NRXN3: variants seen among roughly 807,000 people sequenced by gnomAD.
The protein encoded by NRXN3 is neurexin III.
A neutral mutation model predicts 137.6 loss-of-function variants in NRXN3; 32 were observed. The ratio of observed to expected loss-of-function variants is 0.23; its 90% CI spans 0.18 to 0.31. NRXN3 has a LOEUF of 0.31. Ranked by LOEUF, NRXN3 falls within the 10% of genes least tolerant of loss-of-function variation. NRXN3 has a pLI of 1.00. For missense variants in NRXN3, 1,574 were observed against 2,062.5 expected, an observed-to-expected ratio of 0.76 and a Z score of 4.59; for synonymous variants, 798 against 784.5, an observed-to-expected ratio of 1.02 and a Z score of -0.29.
At chr14:79,773,721 A>G (rs987001673) in intron 19 of NRXN3, among the ~76,000 whole-genome samples, 16 of 151,860 alleles carry the variant, frequency 1.1e-4, no homozygotes, top group Non-Finnish European at 2.1e-4. Flanking sequence ...TGGCACATGT[A>G]TACATACGTA....
intron 4 of NRXN3, among the ~76,000 whole-genome samples, chr14:78,384,604 A>G (rs564185479): frequency 2.4e-4 from 37 of 152,274 alleles, no homozygotes; most frequent in African/African-American, 8.9e-4. Flanking sequence ...ATGTAGACCC[A>G]CTATAACTGG....
intron 8 of NRXN3, among the ~76,000 whole-genome samples, chr14:78,778,683 TTTCTTTCTTTCTTTCTTTC>T (rs1481914464): frequency 1.4e-5 from 1 of 70,116 alleles, no homozygotes; most frequent in East Asian, 3.7e-4. Context: ...TTTTCTTTTC[TTTCTTTCTTTCTTTCTTTC>T]TTTCTTTCTT....
intron 15 of NRXN3, among the ~76,000 whole-genome samples, chr14:79,375,070 G>T (rs1019220697): frequency 6.6e-6 from 1 of 152,054 alleles, no homozygotes; most frequent in African/African-American, 2.4e-5. Flanking sequence ...TAGTGCTCCT[G>T]ATTAAAAAAT....
intron 19 of NRXN3, 45 bp from the exon 20 acceptor site, chr14:79,805,065 CTT>C (rs776725790): frequency 7.5e-7 from 1 of 1,332,950 alleles, no homozygotes; most frequent in Non-Finnish European, 1.1e-6. Flanking sequence ...ATCTCTCTCT[CTT>C]CTCTCTCTTC....
At chr14:79,359,329 G>A (rs528614906) in intron 15 of NRXN3, among the ~76,000 whole-genome samples, 1 of 152,250 alleles carries the variant, frequency 6.6e-6, no homozygotes, top group South Asian at 2.1e-4. Context: ...TGCCTTGCAA[G>A]GGTGATTCCC....
At chr14:78,338,972 T>C (rs2081837423) in intron 4 of NRXN3, among the ~76,000 whole-genome samples, 1 of 152,182 alleles carries the variant, frequency 6.6e-6, no homozygotes, top group South Asian at 2.1e-4. Context: ...CTTTGAATTA[T>C]TGGCTTTTTG....
At chr14:79,254,126 A>G (rs1317768741) in intron 15 of NRXN3, among the ~76,000 whole-genome samples, 2 of 152,052 alleles carry the variant, frequency 1.3e-5, no homozygotes, top group African/African-American at 4.8e-5. Flanking sequence ...TCTGAGAAAA[A>G]TATGTGCCCC....
chr14:78,514,988 G>C (rs569432837), intron 4 of NRXN3, among the ~76,000 whole-genome samples: 45 of 152,224 alleles, frequency 3.0e-4, no homozygotes, highest in Middle Eastern at 3.4e-3. Context: ...TAGTGCACTT[G>C]GAAAATATGC....
At chr14:79,002,836 A>G (rs1387714036) in intron 15 of NRXN3, among the ~76,000 whole-genome samples, 1 of 152,180 alleles carries the variant, frequency 6.6e-6, no homozygotes, top group Non-Finnish European at 1.5e-5. Flanking sequence ...TCCCACCAAC[A>G]GTGTAAACGT....
At chr14:79,762,246 C>T (rs1367995161) in intron 19 of NRXN3, among the ~76,000 whole-genome samples, 1 of 151,518 alleles carries the variant, frequency 6.6e-6, no homozygotes, top group Non-Finnish European at 1.5e-5. Context: ...CAGTATATTC[C>T]TTGTAAGAAA....
chr14:79,388,049 A>G (rs987942040), intron 15 of NRXN3, among the ~76,000 whole-genome samples: 1 of 151,886 alleles, frequency 6.6e-6, no homozygotes, highest in African/African-American at 2.4e-5. Flanking sequence ...ACATGTATAC[A>G]TATGTAACAA....
chr14:78,816,318 A>G (rs1398891227), intron 10 of NRXN3, among the ~76,000 whole-genome samples: 1 of 152,110 alleles, frequency 6.6e-6, no homozygotes, highest in Admixed American at 6.5e-5. Flanking sequence ...GGATTTTTGT[A>G]TCTTCTTTCA....
At chr14:79,752,132 G>C in intron 19 of NRXN3, among the ~76,000 whole-genome samples, 1 of 152,176 alleles carries the variant, frequency 6.6e-6, no homozygotes, top group African/African-American at 2.4e-5. Context: ...GATTGGAATA[G>C]TTTCAGAAGG....
intron 15 of NRXN3, among the ~76,000 whole-genome samples, chr14:78,998,667 C>T (rs2099535206): frequency 1.3e-5 from 2 of 149,850 alleles, no homozygotes; most frequent in Non-Finnish European, 3.0e-5. Flanking sequence ...GGTGCCATCT[C>T]GGCTCACTGC....
intron 15 of NRXN3, among the ~76,000 whole-genome samples, chr14:79,111,613 A>G (rs1217641739): frequency 4.0e-5 from 6 of 151,880 alleles, no homozygotes; most frequent in African/African-American, 1.5e-4. Flanking sequence ...GTGATGCATG[A>G]TATAGTCCCA....
chr14:78,921,876 GTA>G (rs1452626565), intron 10 of NRXN3, among the ~76,000 whole-genome samples: 1 of 152,154 alleles, frequency 6.6e-6, no homozygotes, highest in Non-Finnish European at 1.5e-5. Context: ...GAGATTTGTA[GTA>G]TGAGTTTCTT....
At chr14:79,754,571 TACAC>T (rs1228854947) in intron 19 of NRXN3, among the ~76,000 whole-genome samples, 61 of 105,250 alleles carry the variant, frequency 5.8e-4, no homozygotes, top group African/African-American at 1.9e-3. Context: ...TATGCACACA[TACAC>T]ACACACACAC....
intron 15 of NRXN3, among the ~76,000 whole-genome samples, chr14:79,286,563 G>A (rs34722722): frequency 0.014 from 1,993 of 142,656 alleles, 33 homozygotes; most frequent in South Asian, 0.083. Flanking sequence ...TATATATAGT[G>A]TATATATAAG....
chr14:78,960,053 A>G (rs1377204798), intron 11 of NRXN3, among the ~76,000 whole-genome samples: 3 of 152,332 alleles, frequency 2.0e-5, no homozygotes, highest in Non-Finnish European at 4.4e-5. Context: ...CTATTTGTAA[A>G]TTGCACTTTC....
Sources: allele counts gnomAD v4.1 joint callset (sites outside exome capture counted in the v4.1 genomes callset), GRCh38; gene constraint gnomAD v4.1.1; transcripts MANE v1.5; gene names NCBI Gene and HGNC (gene_info 2026-07-23, HGNC 2026-07-21).